Variants in LEMD3 observed in about 807,000 individuals in gnomAD.
The protein encoded by LEMD3 is LEM domain containing 3.
In LEMD3, 33 loss-of-function variants were observed where a neutral mutation model predicts 95.2. The observed-to-expected ratio is 0.35, with a 90% CI of 0.26 to 0.46. LEMD3 has a LOEUF of 0.46. LEMD3 is among the 20% of genes least tolerant of loss of function. The pLI is 1.00. For synonymous variants in LEMD3, 525 were observed against 474.6 expected, an observed-to-expected ratio of 1.11 and a Z score of -1.38; for missense variants, 1,210 against 1,192.8, an observed-to-expected ratio of 1.01 and a Z score of -0.21.
Position 65,170,779 on chromosome 12 carries a change from G to C in LEMD3, c.1183G>C (p.Gly395Arg). ...SLLKTNNHIG[G>R]GAFSVDSPRI... Reference sequence around the variant, plus strand: ...TCTGAAAACCAATAATCATATTGGCGGTGGGGCCTTCAGTGTGGACTCCCC... The same window carrying C: ...TCTGAAAACCAATAATCATATTGGCCGTGGGGCCTTCAGTGTGGACTCCCC... The change falls in exon 1 of 13, where the codon GGT becomes CGT. Residue 395 changes from glycine (G) to arginine (R), a missense_variant. Gly to Arg is a moderately radical substitution (Grantham distance 125). Around this residue, in one of 2 missense-constraint regions of LEMD3, gnomAD observed 749 missense variants for 622.9 expected, o/e 1.20. Transcript: ENST00000308330. 2 of 1,614,168 alleles carry C rather than the reference G, an allele frequency of 1.2e-6. No homozygotes were observed. Among genetic ancestry groups the C allele is most frequent in the Non-Finnish European group, 8.5e-7 (1 of 1,180,032 alleles).
At chr12:65,218,783 C>CTTTTTTTTTTTT (rs10676847) in intron 4 of LEMD3, among the ~76,000 whole-genome samples, 164 bp downstream of exon 4, 1 of 123,084 alleles carries the variant, frequency 8.1e-6, no homozygotes, top group African/African-American at 3.1e-5. Context: ...AATTGTTCAA[C>CTTTTTTTTTTTT]TTTTTTTTTT....
At chr12:65,233,925 TA>T (rs1565797648) in intron 4 of LEMD3, among the ~76,000 whole-genome samples, 1 of 152,184 alleles carries the variant, frequency 6.6e-6, no homozygotes, top group Non-Finnish European at 1.5e-5. Flanking sequence ...GTGTTAGATT[TA>T]AGATTTGGGA....
Position 65,169,979 on chromosome 12 carries a change from C to A in LEMD3, c.383C>A (p.Ala128Asp). 6.8e-7 allele frequency: 1 copy of A among 1,467,636 alleles called. No homozygotes were observed. The allele number at this position is 1,467,636 out of a possible 1,614,324, so 90.9% of individuals were successfully genotyped here. ...LLGGPGGASA[A>D]PAAGSKVLLG... ...GGAGGGCCCGGGGGCGCCTCCGCCG[C>A]CCCCGCGGCTGGCAGCAAAGTGCTG... Residue 128 changes from alanine to aspartate, a missense_variant, in exon 1 of 13, where the codon GCC becomes GAC. Transcript: ENST00000308330.
At chr12:65,222,300 A>G (rs1373606679) in intron 4 of LEMD3, among the ~76,000 whole-genome samples, 3 of 152,030 alleles carry the variant, frequency 2.0e-5, no homozygotes, top group Non-Finnish European at 4.4e-5. Flanking sequence ...GAGGTATATG[A>G]TCCTGGTGTG....
chr12:65,237,216 A>G (rs12306850), intron 4 of LEMD3, among the ~76,000 whole-genome samples: 5,724 of 152,268 alleles, frequency 0.038, 355 homozygotes, highest in African/African-American at 0.13. Flanking sequence ...AAAACATTCA[A>G]TGAGAACAGT....
chr12:65,170,114 C>T lies in LEMD3; in HGVS notation c.518C>T (p.Pro173Leu), dbSNP rs1365725874. The T allele has an allele frequency of 1.4e-6, 2 of 1,457,024 alleles. No homozygotes were observed. Among genetic ancestry groups the T allele is most frequent in the Admixed American group, 2.9e-5 (1 of 35,032 alleles). The allele number at this position is 1,457,024 out of a possible 1,614,324, so 90.3% of individuals were successfully genotyped here. Residue 173 changes from proline to leucine, a missense_variant, in exon 1 of 13, where the codon CCG (proline) becomes CTG (leucine). Pro to Leu is a moderately conservative substitution (Grantham distance 98). Transcript: ENST00000308330. The stretch of plus-strand genomic sequence containing the variant: ...CTCCAGTACCGCGGGCTCAAAGCGC[C>T]GCCGGCGCCCCTGGCCGCCAGCGAG... The part of the protein sequence containing the change: ...ASLQYRGLKA[P>L]PAPLAASEVT...
intron 1 of LEMD3, among the ~76,000 whole-genome samples, chr12:65,175,511 A>AT (rs911232283): frequency 7.9e-5 from 12 of 152,006 alleles, no homozygotes; most frequent in Non-Finnish European, 1.3e-4. Flanking sequence ...CAGTTACTCA[A>AT]TTTTCAAATC....
intron 10 of LEMD3, 84 bp from the exon 11 acceptor site, chr12:65,245,585 A>T (rs1871081267): frequency 1.1e-6 from 1 of 890,924 alleles, no homozygotes; most frequent in Non-Finnish European, 1.9e-6. Context: ...CAATTCTAGT[A>T]ATATATATAT....
At chr12:65,193,510 A>C (rs1001646486) in intron 1 of LEMD3, among the ~76,000 whole-genome samples, 2 of 151,980 alleles carry the variant, frequency 1.3e-5, no homozygotes, top group Admixed American at 6.6e-5. Context: ...ATGTCCCTGG[A>C]AGGTCATATA....
chr12:65,189,277 A>G (rs778759665), intron 1 of LEMD3, among the ~76,000 whole-genome samples: 1 of 152,144 alleles, frequency 6.6e-6, no homozygotes, highest in Non-Finnish European at 1.5e-5. Flanking sequence ...ACTGTCATCA[A>G]AGGACTGGTG....
At chr12:65,223,532 A>G (rs1261372858) in intron 4 of LEMD3, among the ~76,000 whole-genome samples, 1 of 152,064 alleles carries the variant, frequency 6.6e-6, no homozygotes, top group African/African-American at 2.4e-5. Flanking sequence ...AAATTTGTCT[A>G]ATATGAGTAT....
chr12:65,186,989 G>A (rs1362905396), intron 1 of LEMD3, among the ~76,000 whole-genome samples: 1 of 152,008 alleles, frequency 6.6e-6, no homozygotes, highest in African/African-American at 2.4e-5. Flanking sequence ...TTTTACATAT[G>A]TTCTTACACA....
At chr12:65,236,339 C>T (rs1030190991) in intron 4 of LEMD3, among the ~76,000 whole-genome samples, 2 of 152,104 alleles carry the variant, frequency 1.3e-5, no homozygotes, top group East Asian at 1.9e-4. Context: ...GCCAGCAGTT[C>T]GACACCAGCC....
intron 1 of LEMD3, among the ~76,000 whole-genome samples, chr12:65,174,704 A>G (rs1037448785): frequency 2.0e-5 from 3 of 152,018 alleles, no homozygotes; most frequent in Non-Finnish European, 2.9e-5. Flanking sequence ...AGTGTCTACT[A>G]TGTGCCCGGT....
At chr12:65,208,939 T>C (rs776760081) in intron 1 of LEMD3, among the ~76,000 whole-genome samples, 2 of 152,102 alleles carry the variant, frequency 1.3e-5, no homozygotes, top group African/African-American at 4.8e-5. Flanking sequence ...AAAATTGTTT[T>C]CCCCCTCTTC....
At chr12:65,173,694 ATAGTT>A (rs1168855284) in intron 1 of LEMD3, among the ~76,000 whole-genome samples, 2 of 152,240 alleles carry the variant, frequency 1.3e-5, no homozygotes, top group African/African-American at 2.4e-5. Flanking sequence ...AGAGAGATAA[ATAGTT>A]AAGACATTTC....
chr12:65,188,827 A>G (rs761845074), intron 1 of LEMD3, among the ~76,000 whole-genome samples: 1 of 152,138 alleles, frequency 6.6e-6, no homozygotes, highest in African/African-American at 2.4e-5. Flanking sequence ...CTCTAATTGC[A>G]GTGAGACCAT....
At chr12:65,200,116 C>G (rs372770891) in intron 1 of LEMD3, among the ~76,000 whole-genome samples, 11 of 152,090 alleles carry the variant, frequency 7.2e-5, no homozygotes, top group African/African-American at 2.7e-4. Flanking sequence ...TGGTCCGCTC[C>G]TGCAACTGAT....
chr12:65,214,728 T>G (rs1212214867), intron 2 of LEMD3, among the ~76,000 whole-genome samples: 4 of 152,184 alleles, frequency 2.6e-5, no homozygotes, highest in Non-Finnish European at 5.9e-5. Context: ...ATCTGTTTTG[T>G]TGGAAACTTC....
Sources: allele counts gnomAD v4.1 joint callset (sites outside exome capture counted in the v4.1 genomes callset), GRCh38; gene constraint gnomAD v4.1.1; regional missense constraint gnomAD v4.1.1; transcripts MANE v1.5; gene names NCBI Gene and HGNC (gene_info 2026-07-23, HGNC 2026-07-21).